Variants in NAV3 observed in about 807,000 individuals in gnomAD.
The protein encoded by NAV3 is neuron navigator 3, also known as pore membrane and/or filament interacting like protein 1.
In NAV3, 87 loss-of-function variants were observed where a neutral mutation model predicts 244.7. The observed-to-expected ratio is 0.36, with a 90% CI of 0.30 to 0.42. The LOEUF is 0.42. Among genes scored for constraint, NAV3 ranks in the 20% least tolerant of loss-of-function variants. NAV3 has a pLI of 1.00. For synonymous variants in NAV3, 1,126 were observed against 1,042.2 expected, an observed-to-expected ratio of 1.08 and a Z score of -1.55; for missense variants, 2,663 against 2,893.3, an observed-to-expected ratio of 0.92 and a Z score of 1.83.
rs566289341 is a variant in NAV3, at chr12:77,910,966, A to C, written c.244-29353A>C. On this transcript the variant is annotated intron_variant, in intron 1 of 39. Transcript: ENST00000397909. ...TAGAGACAAACAACAATGGACATGC[A>C]GAGGGAAAACTTTTTAAACTTTTGT... Among the ~76,000 whole-genome samples the C allele has an allele frequency of 6.6e-5, 10 of 152,270 alleles. No homozygotes were observed. The East Asian group carries it at 1.9e-3, about 29-fold the overall frequency.
intron 1 of NAV3, among the ~76,000 whole-genome samples, chr12:77,936,354 T>G (rs1417564564): frequency 2.0e-5 from 3 of 152,154 alleles, no homozygotes; most frequent in African/African-American, 7.2e-5. Context: ...TGAGATAAAA[T>G]TATTAGATGG....
At chr12:77,577,808 G>T (rs1287425520) in intron 2 of NAV3, among the ~76,000 whole-genome samples, 1 of 151,996 alleles carries the variant, frequency 6.6e-6, no homozygotes, top group Non-Finnish European at 1.5e-5. Context: ...ATACTAACAT[G>T]TGAGTTCTGG....
chr12:78,074,376 G>A (rs1244758117), intron 12 of NAV3, among the ~76,000 whole-genome samples: 2 of 152,148 alleles, frequency 1.3e-5, no homozygotes, highest in South Asian at 2.1e-4. Flanking sequence ...CAGAAAAGAC[G>A]ACACCTGAAG....
At chr12:77,835,973 A>G (rs1874554824) in intron 1 of NAV3, among the ~76,000 whole-genome samples, 2 of 152,128 alleles carry the variant, frequency 1.3e-5, no homozygotes, top group Admixed American at 1.3e-4. Context: ...TCCAGACTCT[A>G]TGTCATATGC....
intron 3 of NAV3, among the ~76,000 whole-genome samples, chr12:77,964,526 T>C (rs1565966132): frequency 6.6e-6 from 1 of 152,210 alleles, no homozygotes; most frequent in South Asian, 2.1e-4. Flanking sequence ...ACAAGAATAC[T>C]GTGGATGGAT....
At chr12:77,651,428 T>C (rs1000329762) in intron 2 of NAV3, among the ~76,000 whole-genome samples, 5 of 152,180 alleles carry the variant, frequency 3.3e-5, no homozygotes, top group African/African-American at 1.2e-4. Flanking sequence ...GCCTTTTTTT[T>C]CTTCAACAGC....
At chr12:78,086,717 A>T (rs1310776947) in intron 12 of NAV3, among the ~76,000 whole-genome samples, 10 of 152,164 alleles carry the variant, frequency 6.6e-5, no homozygotes, top group Non-Finnish European at 1.5e-4. Flanking sequence ...ACTTGGAAAG[A>T]TATAGCTATT....
intron 12 of NAV3, chr12:78,088,645 G>A (rs1017038335): frequency 1.3e-5 from 2 of 152,016 alleles, no homozygotes; most frequent in Non-Finnish European, 2.9e-5. Flanking sequence ...CCTCTAATCC[G>A]GAACTCTATA....
At chr12:78,115,632 C>A (rs1955338010) in intron 12 of NAV3, among the ~76,000 whole-genome samples, 1 of 152,112 alleles carries the variant, frequency 6.6e-6, no homozygotes, top group Non-Finnish European at 1.5e-5. Context: ...ATTGAAGGAC[C>A]ACATCTATTA....
chr12:78,024,953 A>T (rs1039684022), intron 9 of NAV3, among the ~76,000 whole-genome samples: 3 of 150,630 alleles, frequency 2.0e-5, no homozygotes, highest in Admixed American at 6.6e-5. Flanking sequence ...CCAGACTGGG[A>T]GACAGAGCAA....
At position 77,968,577 on chromosome 12, in the gene NAV3, C is replaced by T. The variant is rs2137990004; in HGVS notation, c.546C>T (p.Tyr182=). Residue 182 remains tyrosine (Y), a synonymous_variant, in exon 5 of 40, where the codon TAC becomes TAT. Transcript: ENST00000397909. ...GGCTGTTTTTCAGTTTATCTCGCTA[C>T]AAGCAGCAACAACACCATCAACAAC... The part of the protein sequence containing the change: ...ILGLFFSLSR[Y]KQQQHHQQQY... The T allele has an allele frequency of 6.2e-7, 1 of 1,614,078 alleles. No individual in the cohort carries two copies. Among genetic ancestry groups the T allele is most frequent in the Non-Finnish European group, 8.5e-7 (1 of 1,179,988 alleles).
intron 38 of NAV3, among the ~76,000 whole-genome samples, 166 bp downstream of exon 38, chr12:78,200,757 G>T (rs1378420649): frequency 6.6e-6 from 1 of 151,874 alleles, no homozygotes; most frequent in African/African-American, 2.4e-5. Flanking sequence ...GTAATATTTT[G>T]CCTGTTCTGA....
chr12:78,112,423 G>C (rs1955145197), intron 12 of NAV3, among the ~76,000 whole-genome samples: 1 of 152,118 alleles, frequency 6.6e-6, no homozygotes, highest in Admixed American at 6.6e-5. Context: ...GGTACTTTAT[G>C]AAAGAAAGAG....
chr12:78,030,837 A>G (rs975397906), intron 9 of NAV3, among the ~76,000 whole-genome samples: 1 of 152,238 alleles, frequency 6.6e-6, no homozygotes, highest in African/African-American at 2.4e-5. Flanking sequence ...ATTCTAATGA[A>G]CAATGAAATT....
chr12:78,145,499 A>G (rs1489345475), intron 20 of NAV3, among the ~76,000 whole-genome samples: 2 of 152,224 alleles, frequency 1.3e-5, no homozygotes, highest in Non-Finnish European at 2.9e-5. Flanking sequence ...GCTTATGGCA[A>G]TAAGCAGACT....
chr12:77,930,331 G>C (rs934956202), intron 1 of NAV3, among the ~76,000 whole-genome samples: 1 of 151,902 alleles, frequency 6.6e-6, no homozygotes, highest in African/African-American at 2.4e-5. Context: ...ACTAGCCTAG[G>C]ATTAAAGTCT....
At position 77,647,763 on chromosome 12, in the gene NAV3, C is replaced by T. The variant is rs114784677; in HGVS notation, c.72+75497C>T. On this transcript the variant is annotated intron_variant, in intron 2 of 8. Coordinates refer to the NAV3 transcript ENST00000550042. ...GTACCATTTTTTCCCATTGACACTACTCCTATATTATGTTTTACTGTGTTA... is the reference window on the plus strand; with the variant it reads ...GTACCATTTTTTCCCATTGACACTATTCCTATATTATGTTTTACTGTGTTA... Among the ~76,000 whole-genome samples, 540 of 152,130 alleles carry T rather than the reference C, an allele frequency of 3.5e-3. 2 individuals are homozygous for T. Among genetic ancestry groups the T allele is most frequent in the African/African-American group, 0.012 (515 of 41,532 alleles).
chr12:77,944,925 T>C (rs1247921651), intron 3 of NAV3, among the ~76,000 whole-genome samples: 1 of 152,208 alleles, frequency 6.6e-6, no homozygotes, highest in Non-Finnish European at 1.5e-5. Context: ...TGTAACATGC[T>C]GTCAAATGTT....
intron 2 of NAV3, among the ~76,000 whole-genome samples, chr12:77,667,239 C>T (rs534569060): frequency 8.6e-5 from 13 of 152,046 alleles, no homozygotes; most frequent in Admixed American, 7.9e-4. Context: ...AGGAACATAC[C>T]AGGAAAGGCG....
Sources: gnomAD v4.1 joint callset for allele counts (sites outside exome capture counted in the v4.1 genomes callset) on GRCh38, gnomAD v4.1.1 for gene constraint, MANE v1.5 for transcripts, NCBI Gene and HGNC (gene_info 2026-07-23, HGNC 2026-07-21) for gene names.